Variants in MSI2 observed in about 807,000 individuals in gnomAD.
The protein encoded by MSI2 is RNA-binding protein Musashi homolog 2.
A neutral mutation model predicts 45.6 loss-of-function variants in MSI2; 17 were observed. The observed-to-expected ratio is 0.37, with a 90% CI of 0.26 to 0.56. The LOEUF (loss-of-function observed/expected upper bound fraction) is 0.56, where lower values mean the gene tolerates loss of function less well. Ranked by LOEUF, MSI2 falls within the 20% of genes least tolerant of loss-of-function variation. MSI2 has a pLI of 0.77. For synonymous variants in MSI2, 156 were observed against 158.2 expected, an observed-to-expected ratio of 0.99 and a Z score of 0.11; for missense variants, 293 against 444.2, an observed-to-expected ratio of 0.66 and a Z score of 3.06.
At chr17:57,524,629 G>A (rs2086660146) in intron 6 of MSI2, among the ~76,000 whole-genome samples, 1 of 152,150 alleles carries the variant, frequency 6.6e-6, no homozygotes, top group African/African-American at 2.4e-5. Flanking sequence ...TTCTTTCATC[G>A]GGTGCAGGGC....
At chr17:57,273,547 C>A (rs1433097306) in intron 5 of MSI2, among the ~76,000 whole-genome samples, 4 of 138,174 alleles carry the variant, frequency 2.9e-5, no homozygotes, top group Non-Finnish European at 4.7e-5. Flanking sequence ...GGGGGGGGGA[C>A]CTCATTATGA....
At chr17:57,640,303 G>A (rs974802730) in intron 10 of MSI2, among the ~76,000 whole-genome samples, 1 of 152,200 alleles carries the variant, frequency 6.6e-6, no homozygotes, top group Admixed American at 6.5e-5. Flanking sequence ...ACCCGCCAGA[G>A]TTAAGCTCGC....
At chr17:57,333,615 T>A (rs1914453002) in intron 5 of MSI2, among the ~76,000 whole-genome samples, 1 of 152,102 alleles carries the variant, frequency 6.6e-6, no homozygotes, top group Non-Finnish European at 1.5e-5. Context: ...TATTTTTTTG[T>A]ATTTTTAGTA....
chr17:57,680,632 C>T lies in MSI2; in HGVS notation c.*1115C>T, dbSNP rs1913541334. Reference sequence around the variant, plus strand: ...TGTCTGTGCACAGCTTCAAATGTTACCGTCTAGTTAGATTTTTATTTAAAA... The same window carrying T: ...TGTCTGTGCACAGCTTCAAATGTTATCGTCTAGTTAGATTTTTATTTAAAA... On this transcript the variant is annotated 3_prime_UTR_variant, in exon 14 of 14. Coordinates refer to ENST00000284073, the MANE Select transcript of MSI2 (RefSeq NM_138962.4). 1 of 221,712 alleles carries T rather than the reference C, an allele frequency of 4.5e-6. No homozygotes were observed. The highest frequency in any genetic ancestry group is 5.8e-5 in the Admixed American group (1 of 17,312). 13.7% of individuals were successfully genotyped at this position (221,712 alleles called of 1,614,324 possible).
chr17:57,538,556 T>TGCCC (rs943508381), intron 7 of MSI2, among the ~76,000 whole-genome samples: 2 of 152,102 alleles, frequency 1.3e-5, no homozygotes, highest in Non-Finnish European at 2.9e-5. Context: ...GCTTGCGAGG[T>TGCCC]GCCCACTCCC....
At chr17:57,594,673 A>AG (rs1218773826) in intron 7 of MSI2, among the ~76,000 whole-genome samples, 2 of 152,182 alleles carry the variant, frequency 1.3e-5, no homozygotes, top group Non-Finnish European at 2.9e-5. Context: ...GACCTGGTTT[A>AG]GGGGGTAGGG....
intron 11 of MSI2, among the ~76,000 whole-genome samples, chr17:57,654,217 C>A (rs1431053079): frequency 6.6e-6 from 1 of 152,210 alleles, no homozygotes; most frequent in African/African-American, 2.4e-5. Context: ...GTGTCAGGGG[C>A]TTGGGATGTG....
At chr17:57,341,838 A>T (rs1351233662) in intron 5 of MSI2, among the ~76,000 whole-genome samples, 1 of 152,094 alleles carries the variant, frequency 6.6e-6, no homozygotes, top group Admixed American at 6.5e-5. Flanking sequence ...ACCTCCAGGG[A>T]TTTGCCTTTG....
At position 57,407,912 on chromosome 17, in the gene MSI2, C is replaced by T. The variant is rs1240890000; in HGVS notation, c.405+6441C>T. 1.3e-5 allele frequency among the ~76,000 whole-genome samples: 2 copies of T among 152,236 alleles called. No homozygotes were observed. The highest frequency in any genetic ancestry group is 2.9e-5 in the Non-Finnish European group (2 of 68,050). On this transcript the variant is annotated intron_variant, in intron 6 of 13. Coordinates refer to ENST00000284073, the MANE Select transcript of MSI2 (RefSeq NM_138962.4). This position sits in a 1 kb window ranked among gnomAD's most constrained non-coding sequence, Gnocchi z 4.1. ...GGAGGGGACTTTATTTGCCCCCTGA[C>T]CCCTGGCCAAGCTGCTCAGTGGGAA...
At chr17:57,634,103 C>T (rs1290018623) in intron 10 of MSI2, among the ~76,000 whole-genome samples, 2 of 152,210 alleles carry the variant, frequency 1.3e-5, no homozygotes, top group Admixed American at 1.3e-4. Context: ...TGCTTTTGGG[C>T]TACCCAAGGG....
At chr17:57,429,332 A>T (rs2084552131) in intron 6 of MSI2, among the ~76,000 whole-genome samples, 1 of 152,144 alleles carries the variant, frequency 6.6e-6, no homozygotes. Flanking sequence ...GATTATCTTC[A>T]GTAGTTTTGC....
At position 57,386,405 on chromosome 17, in the gene MSI2, G is replaced by C. The variant is rs1168681567; in HGVS notation, c.313-14974G>C. ...GAGGGGAAAGAGAGAAAACAAGTAG[G>C]GTGTCCAGGAACCTAGAATAATCCA... is the stretch of plus-strand genomic sequence containing the variant. On this transcript the variant is annotated intron_variant, in intron 5 of 13. Coordinates refer to ENST00000284073, the MANE Select transcript of MSI2 (RefSeq NM_138962.4). 2.0e-5 allele frequency among the ~76,000 whole-genome samples: 3 copies of C among 152,042 alleles called. No homozygotes were observed. In the East Asian group the frequency reaches 5.8e-4, roughly 29 times the overall value.
intron 5 of MSI2, among the ~76,000 whole-genome samples, chr17:57,396,036 T>A (rs2083882406): frequency 6.6e-6 from 1 of 152,190 alleles, no homozygotes; most frequent in Non-Finnish European, 1.5e-5. Context: ...AGATGAGGCA[T>A]CATCTGCAAA....
the MSI2 span, among the ~76,000 whole-genome samples, chr17:57,696,069 T>C: frequency 1.3e-5 from 2 of 152,086 alleles, no homozygotes; most frequent in Admixed American, 6.6e-5. Context: ...GGTTTCAAAA[T>C]AGGAATTTGG....
chr17:57,608,669 C>T (rs1906915923), intron 8 of MSI2, among the ~76,000 whole-genome samples: 2 of 152,244 alleles, frequency 1.3e-5, no homozygotes, highest in South Asian at 4.1e-4. Context: ...CATTGTTGGT[C>T]AAAGGACCCC....
chr17:57,441,023 C>T (rs565310295), intron 6 of MSI2, among the ~76,000 whole-genome samples: 74 of 152,326 alleles, frequency 4.9e-4, no homozygotes, highest in African/African-American at 1.7e-3. Flanking sequence ...GCCGCTCTCC[C>T]AGGGCTGCAG....
chr17:57,572,414 G>A (rs939593883), intron 7 of MSI2, among the ~76,000 whole-genome samples: 2 of 152,216 alleles, frequency 1.3e-5, no homozygotes, highest in Non-Finnish European at 2.9e-5. Flanking sequence ...CAAGGCTGGC[G>A]CCCAGTAATT....
chr17:57,673,696 G>A (rs925313671), intron 11 of MSI2, among the ~76,000 whole-genome samples: 2 of 150,232 alleles, frequency 1.3e-5, no homozygotes, highest in Non-Finnish European at 1.5e-5. Flanking sequence ...CCCTCATTAG[G>A]GTCAGAATGA....
At chr17:57,615,734 C>T (rs541189281) in intron 8 of MSI2, among the ~76,000 whole-genome samples, 17 of 152,326 alleles carry the variant, frequency 1.1e-4, no homozygotes, top group East Asian at 7.7e-4. Flanking sequence ...AGCTTACGTC[C>T]TTGCCACCCC....
Sources: allele counts gnomAD v4.1 joint callset (sites outside exome capture counted in the v4.1 genomes callset), GRCh38; gene constraint gnomAD v4.1.1; non-coding constraint Gnocchi (gnomAD v3.1); transcripts MANE v1.5; gene names NCBI Gene and HGNC (gene_info 2026-07-23, HGNC 2026-07-21).